Variants in COL4A6 observed in about 807,000 individuals in gnomAD.
COL4A6 encodes the protein collagen type IV alpha 6 chain.
COL4A6 carries 59 observed loss-of-function variants against 126.7 expected under a neutral mutation model. That is an observed-to-expected ratio of 0.47 (90% CI 0.38 to 0.58). The LOEUF (loss-of-function observed/expected upper bound fraction) is 0.58. Among genes scored for constraint, COL4A6 ranks in the 20% least tolerant of loss-of-function variants. The pLI is 0.00. For missense variants in COL4A6, 1,285 were observed against 1,337.3 expected (o/e 0.96, Z 0.61); for synonymous variants, 547 against 496.6 (o/e 1.10, Z -1.35).
chrX:108,212,575 T>C (rs188529354), intron 6 of COL4A6, among the ~76,000 whole-genome samples: 470 of 111,939 alleles, frequency 4.2e-3, no homozygotes, highest in Non-Finnish European at 7.4e-3. Flanking sequence ...AAGCATTTAT[T>C]GAATGATTGA....
intron 2 of COL4A6, among the ~76,000 whole-genome samples, chrX:108,323,011 C>A (rs2039067363): frequency 8.9e-6 from 1 of 111,943 alleles, no homozygotes; most frequent in Admixed American, 9.5e-5. Context: ...TGATGTGTGT[C>A]AAAAATAATT....
rs184696877 is a variant in COL4A6 at position 108,403,510 on chromosome X, A to G, written c.63+34432T>C. On this transcript the variant is annotated intron_variant, in intron 2 of 44. Transcript: ENST00000334504. ...TTGTTTTTCTATCCCCATTGTAGAT[A>G]ATTCTAGATTTTTCTTCTAGTTCCC... is the stretch of plus-strand genomic sequence containing the variant. 2.9e-3 allele frequency among the ~76,000 whole-genome samples: 322 copies of G among 110,161 alleles called. 1 individual carries two copies. Among genetic ancestry groups the G allele is most frequent in the African/African-American group, 0.01 (312 of 30,286 alleles).
chrX:108,187,317 C>A, intron 22 of COL4A6, 38 bp from the exon 23 acceptor site: 2 of 1,049,993 alleles, frequency 1.9e-6, no homozygotes, highest in Non-Finnish European at 2.5e-6. Flanking sequence ...AAATTCAACT[C>A]AGAGATTTAT....
At chrX:108,244,380 C>G (rs1437171528) in intron 3 of COL4A6, among the ~76,000 whole-genome samples, 3 of 111,713 alleles carry the variant, frequency 2.7e-5, no homozygotes, top group African/African-American at 9.8e-5. Flanking sequence ...CTATTGGCCA[C>G]TAATCACAAA....
chrX:108,339,189 T>G (rs896302760), intron 2 of COL4A6, among the ~76,000 whole-genome samples: 1 of 112,754 alleles, frequency 8.9e-6, no homozygotes, highest in Non-Finnish European at 1.9e-5. Flanking sequence ...GGCAAGAGCC[T>G]GGGGCTAGAG....
At chrX:108,434,570 G>A (rs1182723988) in intron 2 of COL4A6, among the ~76,000 whole-genome samples, 2 of 110,344 alleles carry the variant, frequency 1.8e-5, no homozygotes, top group African/African-American at 3.3e-5. Flanking sequence ...TTTTGAAATG[G>A]TTATATATTT....
chrX:108,308,296 T>C (rs185650243), intron 3 of COL4A6, among the ~76,000 whole-genome samples: 17 of 111,659 alleles, frequency 1.5e-4, no homozygotes, highest in South Asian at 7.6e-4. Context: ...GTTTGCCTGG[T>C]GTAGGACTGA....
At chrX:108,194,610 A>G in intron 15 of COL4A6, 23 bp from the exon 16 acceptor site, 1 of 1,190,497 alleles carries the variant, frequency 8.4e-7, no homozygotes, top group Non-Finnish European at 1.1e-6. Context: ...CATAGTTACC[A>G]CTAAGTGGAA....
intron 3 of COL4A6, among the ~76,000 whole-genome samples, chrX:108,302,732 G>T (rs1370357767): frequency 3.6e-5 from 4 of 110,749 alleles, no homozygotes; most frequent in East Asian, 2.8e-4. Context: ...CTTCCCTCAG[G>T]ATACCTTACA....
At chrX:108,331,499 T>A (rs2039299725) in intron 2 of COL4A6, among the ~76,000 whole-genome samples, 1 of 112,195 alleles carries the variant, frequency 8.9e-6, no homozygotes, top group Non-Finnish European at 1.9e-5. Context: ...TTTAAATATA[T>A]CTGAACATTA....
rs2033765511 is a variant in COL4A6, at chrX:108,157,140, A to C, written c.4933T>G (p.Phe1645Val). The change falls in exon 45 of 45, where the codon TTT becomes GTT. Residue 1645 changes from phenylalanine to valine, a missense_variant. Coordinates refer to ENST00000334504, the MANE Select transcript of COL4A6 (RefSeq NM_033641.4). Reference sequence around the variant, plus strand: ...AACCAGAAACTGTACTTGTTTGCAAAGTAGTGGCAGGTGCCTCGGGCACCA... The same window carrying C: ...AACCAGAAACTGTACTTGTTTGCAACGTAGTGGCAGGTGCCTCGGGCACCA... ...CSGARGTCHY[F>V]ANKYSFWLTT... The C allele has an allele frequency of 8.3e-7, 1 of 1,210,469 alleles. No individual in the cohort carries two copies. Among genetic ancestry groups the C allele is most frequent in the African/African-American group, 1.7e-5 (1 of 57,271 alleles).
chrX:108,193,244 T>A (rs767159940), intron 17 of COL4A6, among the ~76,000 whole-genome samples: 1 of 112,237 alleles, frequency 8.9e-6, no homozygotes, highest in African/African-American at 3.2e-5. Flanking sequence ...TATGAAATTG[T>A]CAAGCTCAAG....
At chrX:108,184,319 C>T (rs896900062) in intron 23 of COL4A6, among the ~76,000 whole-genome samples, 5 of 112,572 alleles carry the variant, frequency 4.4e-5, no homozygotes, top group Non-Finnish European at 9.4e-5. Flanking sequence ...ACTCTTCATA[C>T]TGCAAGAAGG....
chrX:108,326,331 A>G (rs910660404), intron 2 of COL4A6, among the ~76,000 whole-genome samples: 4 of 112,570 alleles, frequency 3.6e-5, no homozygotes, highest in Admixed American at 9.4e-5. Flanking sequence ...AAATCTGACA[A>G]AAGATGTGCA....
chrX:108,303,896 C>T (rs1047811164), intron 3 of COL4A6, among the ~76,000 whole-genome samples: 4 of 111,731 alleles, frequency 3.6e-5, no homozygotes, highest in African/African-American at 1.3e-4. Context: ...CAAACATCAC[C>T]TTCCGTATCT....
At chrX:108,310,581 C>A (rs2038737484) in intron 3 of COL4A6, among the ~76,000 whole-genome samples, 167 bp downstream of exon 3, 1 of 112,299 alleles carries the variant, frequency 8.9e-6, no homozygotes, top group African/African-American at 3.2e-5. Context: ...TTTGACCAAT[C>A]TAACTCTGAC....
chrX:108,375,039 C>G (rs183945095), intron 2 of COL4A6, among the ~76,000 whole-genome samples: 4 of 112,089 alleles, frequency 3.6e-5, no homozygotes, highest in African/African-American at 1.3e-4. Flanking sequence ...CCATTAACAT[C>G]CATCTAAGCT....
chrX:108,347,411 G>A (rs987866267), intron 2 of COL4A6, among the ~76,000 whole-genome samples: 4 of 111,930 alleles, frequency 3.6e-5, no homozygotes, highest in Admixed American at 9.4e-5. Context: ...TTTACCACAC[G>A]TTTAAGCAAC....
rs755421435 is a variant in COL4A6, at chrX:108,176,884, G to T, written c.2643C>A (p.Gly881=). ...CTGGCAACCCAGCGACCCCTGGAGA[G>T]CCTGGGCTTCCTTTCAGTCCTACTA... is the stretch of plus-strand genomic sequence containing the variant. ...PGLVGLKGSP[G]SPGVAGLPAL... is the part of the protein sequence containing the mutation. The change falls in exon 28 of 45, where the codon GGC becomes GGA. Residue 881 remains glycine, a synonymous_variant. Transcript: ENST00000334504. 178 of 1,210,211 alleles carry T rather than the reference G, an allele frequency of 1.5e-4. No individual in the cohort carries two copies. The South Asian group carries it at 2.9e-3, about 20-fold the overall frequency.
Sources: allele counts gnomAD v4.1 joint callset (sites outside exome capture counted in the v4.1 genomes callset), GRCh38; gene constraint gnomAD v4.1.1; transcripts MANE v1.5; gene names NCBI Gene and HGNC (gene_info 2026-07-23, HGNC 2026-07-21).